Variants in GLIPR1L2 observed in about 807,000 individuals in gnomAD.
GLIPR1L2 encodes GLIPR1 like 2, also known as GLIPR1-like protein 2.
Under a neutral mutation model 28.4 loss-of-function variants are expected in GLIPR1L2, and 21 were observed. The ratio of observed to expected loss-of-function variants is 0.74; its 90% CI spans 0.52 to 1.06. GLIPR1L2 has a LOEUF of 1.06. GLIPR1L2 is among the 50% of genes least tolerant of loss of function. The probability of loss-of-function intolerance (pLI) is 0.00; values close to 1 mark genes in which losing one functional copy is unlikely to be tolerated. For synonymous variants in GLIPR1L2, 145 were observed against 139.3 expected (o/e 1.04, Z -0.29); for missense variants, 476 against 416.9 (o/e 1.14, Z -1.23).
In GLIPR1L2 at chr12:75,406,629, A is replaced by G. The variant is rs1302174407; in HGVS notation, c.235-3805A>G. 4.0e-5 allele frequency among the ~76,000 whole-genome samples: 6 copies of G among 151,708 alleles called. No homozygotes were observed. In the East Asian group the frequency reaches 5.8e-4, roughly 15 times the overall value. On this transcript the variant is annotated intron_variant, in intron 1 of 5. Transcript: ENST00000550916. ...AAGAATTAGCTGGGTGCGGTGGTGCACACCTGTAATCCCAGCTACTAGGGA... is the reference window on the plus strand; with the variant it reads ...AAGAATTAGCTGGGTGCGGTGGTGCGCACCTGTAATCCCAGCTACTAGGGA...
chr12:75,413,335 T>TA (rs1360368087), intron 2 of GLIPR1L2, among the ~76,000 whole-genome samples: 1 of 150,346 alleles, frequency 6.7e-6, no homozygotes, highest in Non-Finnish European at 1.5e-5. Context: ...CCCTAAAACT[T>TA]AAAGTATAAT....
At chr12:75,399,807 G>C (rs992072192) in intron 1 of GLIPR1L2, among the ~76,000 whole-genome samples, 1 of 152,184 alleles carries the variant, frequency 6.6e-6, no homozygotes, top group Non-Finnish European at 1.5e-5. Context: ...CCTACTCCAT[G>C]TACTACTGGT....
chr12:75,393,827 C>A (rs1164897808), intron 1 of GLIPR1L2, among the ~76,000 whole-genome samples: 1 of 151,962 alleles, frequency 6.6e-6, no homozygotes, highest in Admixed American at 6.6e-5. Context: ...TTCTGTTTTC[C>A]ATAGTGGCTG....
intron 3 of GLIPR1L2, among the ~76,000 whole-genome samples, chr12:75,422,632 G>C (rs529206217): frequency 6.6e-6 from 1 of 152,160 alleles, no homozygotes; most frequent in South Asian, 2.1e-4. Context: ...GATACATTTT[G>C]CTATAAACTA....
chr12:75,413,530 A>T, intron 2 of GLIPR1L2, 68 bp from the exon 3 acceptor site: 1 of 847,152 alleles, frequency 1.2e-6, no homozygotes, highest in South Asian at 1.6e-5. Context: ...GGAATATATT[A>T]TTGTTTATAA....
At chr12:75,401,560 A>T (rs2045742016) in intron 1 of GLIPR1L2, among the ~76,000 whole-genome samples, 1 of 152,034 alleles carries the variant, frequency 6.6e-6, no homozygotes, top group Admixed American at 6.5e-5. Context: ...CAAGTAAATT[A>T]TATATAGCAA....
At chr12:75,425,641 A>C (rs188759246) in intron 4 of GLIPR1L2, among the ~76,000 whole-genome samples, 11 of 152,324 alleles carry the variant, frequency 7.2e-5, no homozygotes, top group Admixed American at 7.2e-4. Context: ...ATACTAAAAC[A>C]ATATTTATTG....
intron 1 of GLIPR1L2, among the ~76,000 whole-genome samples, chr12:75,394,201 G>A (rs10785187): frequency 0.35 from 52,755 of 151,688 alleles, 9,547 homozygotes; most frequent in East Asian, 0.46. Flanking sequence ...ATTTTCTCCC[G>A]TTTTGTAAGT....
intron 1 of GLIPR1L2, among the ~76,000 whole-genome samples, chr12:75,403,532 T>G (rs971008242): frequency 6.6e-6 from 1 of 152,274 alleles, no homozygotes; most frequent in East Asian, 1.9e-4. Flanking sequence ...AACTCTATAC[T>G]CCACTAACTA....
intron 1 of GLIPR1L2, among the ~76,000 whole-genome samples, chr12:75,395,963 T>A (rs1241749321): frequency 6.6e-6 from 1 of 152,120 alleles, no homozygotes; most frequent in Non-Finnish European, 1.5e-5. Flanking sequence ...TACAGTTAGG[T>A]TGTTGATTTG....
At chr12:75,423,578 T>G (rs2046001291) in intron 4 of GLIPR1L2, 1 of 586,068 alleles carries the variant, frequency 1.7e-6, no homozygotes, top group Non-Finnish European at 2.1e-6. Context: ...TGTTGTTTTT[T>G]AATTATTATA....
At chr12:75,430,069 G>A (rs1387128089) in intron 4 of GLIPR1L2, among the ~76,000 whole-genome samples, 1 of 151,390 alleles carries the variant, frequency 6.6e-6, no homozygotes, top group Non-Finnish European at 1.5e-5. Context: ...CCAAGTAGCT[G>A]AGACTACAGG....
rs1430835612 is a variant in GLIPR1L2, at chr12:75,391,107, C to T, written c.-10C>T. On this transcript the variant is annotated 5_prime_UTR_variant, in exon 1 of 6. Transcript: ENST00000550916. ...CGCGTGCGCACTGGCCTGTCAGCGG[C>T]CGGTGGACCATGGAGGCCGCAAGGC... The T allele has an allele frequency of 8.7e-6, 14 of 1,603,750 alleles. No homozygotes were observed. Among genetic ancestry groups the T allele is most frequent in the Non-Finnish European group, 1.1e-5 (13 of 1,172,304 alleles).
intron 4 of GLIPR1L2, among the ~76,000 whole-genome samples, chr12:75,426,275 T>C (rs538083272): frequency 1.3e-5 from 2 of 152,278 alleles, no homozygotes; most frequent in Admixed American, 1.3e-4. Flanking sequence ...TATTAAGAAG[T>C]TTAACAGTCT....
intron 1 of GLIPR1L2, among the ~76,000 whole-genome samples, chr12:75,400,238 C>T (rs943966242): frequency 1.3e-5 from 2 of 152,186 alleles, no homozygotes; most frequent in African/African-American, 2.4e-5. Context: ...CCTGCCTCAG[C>T]CTCCCGAGTA....
intron 2 of GLIPR1L2, among the ~76,000 whole-genome samples, chr12:75,411,660 C>A (rs2045868998): frequency 6.6e-6 from 1 of 151,912 alleles, no homozygotes; most frequent in Non-Finnish European, 1.5e-5. Flanking sequence ...GTCTCCTAGA[C>A]CTTTTCGTTT....
chr12:75,409,809 T>C (rs1006510590), intron 1 of GLIPR1L2, among the ~76,000 whole-genome samples: 1 of 103,088 alleles, frequency 9.7e-6, no homozygotes, highest in South Asian at 3.4e-4. Context: ...ATATCTAATC[T>C]GATATATATA....
rs577632009 is a variant in GLIPR1L2 at position 75,399,448 on chromosome 12, C to T, written c.234+8098C>T. On this transcript the variant is annotated intron_variant, in intron 1 of 5. Transcript: ENST00000550916. ...ATTCCCCACAGACAAGACAACAAAA[C>T]TATTGTTGAACTTTGGAGTTTTACT... 7.9e-5 allele frequency among the ~76,000 whole-genome samples: 12 copies of T among 152,216 alleles called. 2 individuals are homozygous for T. In the South Asian group the frequency reaches 2.5e-3, roughly 32 times the overall value.
chr12:75,394,342 A>G (rs2045660830), intron 1 of GLIPR1L2, among the ~76,000 whole-genome samples: 2 of 152,038 alleles, frequency 1.3e-5, no homozygotes, highest in Non-Finnish European at 2.9e-5. Flanking sequence ...GCCAAATTCA[A>G]TATCATGAAG....
Sources: gnomAD v4.1 joint callset for allele counts (sites outside exome capture counted in the v4.1 genomes callset) on GRCh38, gnomAD v4.1.1 for gene constraint, MANE v1.5 for transcripts, NCBI Gene and HGNC (gene_info 2026-07-23, HGNC 2026-07-21) for gene names.